FHIT: variants seen among roughly 807,000 people sequenced by gnomAD.
The protein encoded by FHIT is bis(5'-adenosyl)-triphosphatase.
FHIT carries 19 observed loss-of-function variants against 17.9 expected under a neutral mutation model. The observed-to-expected ratio is 1.06, with a 90% CI of 0.74 to 1.56. The LOEUF is 1.56. FHIT is among the 40% of genes most tolerant of loss of function. The pLI, the probability that FHIT is intolerant of heterozygous loss-of-function variation, is 0.00. For synonymous variants in FHIT, 81 were observed against 69.7 expected, an observed-to-expected ratio of 1.16 and a Z score of -0.81; for missense variants, 248 against 189.2, an observed-to-expected ratio of 1.31 and a Z score of -1.82.
intron 8 of FHIT, among the ~76,000 whole-genome samples, chr3:59,877,769 T>A (rs918316963): frequency 6.6e-6 from 1 of 152,236 alleles, no homozygotes; most frequent in Non-Finnish European, 1.5e-5. Context: ...TCTCTCCATA[T>A]GTTTCCTATA....
intron 5 of FHIT, among the ~76,000 whole-genome samples, chr3:60,180,702 A>T (rs2107439795): frequency 6.6e-6 from 1 of 152,278 alleles, no homozygotes; most frequent in African/African-American, 2.4e-5. Flanking sequence ...TTATAATTTG[A>T]CGTTGATGCT....
chr3:60,212,343 G>T (rs1461932447), intron 5 of FHIT, among the ~76,000 whole-genome samples: 1 of 152,090 alleles, frequency 6.6e-6, no homozygotes, highest in African/African-American at 2.4e-5. Context: ...TGCTTTGGTA[G>T]AAAGAATTAA....
rs573484572 is a variant in FHIT at position 61,193,084 on chromosome 3, T to C, written c.-164+7533A>G. Reference sequence around the variant, plus strand: ...CCTAAATCCAGTCTCCATTAAAGACTTTTCTTTTTCAAAAAAGCCTAAATT... The same window carrying C: ...CCTAAATCCAGTCTCCATTAAAGACCTTTCTTTTTCAAAAAAGCCTAAATT... On this transcript the variant is annotated intron_variant, in intron 2 of 9. Transcript: ENST00000492590. Among the ~76,000 whole-genome samples, 4 of 152,314 alleles carry C rather than the reference T, an allele frequency of 2.6e-5. No homozygotes were observed. In the East Asian group the frequency reaches 7.7e-4, roughly 29 times the overall value.
chr3:60,365,462 A>G (rs1031078930), intron 5 of FHIT, among the ~76,000 whole-genome samples: 6 of 152,154 alleles, frequency 3.9e-5, no homozygotes, highest in African/African-American at 1.4e-4. Flanking sequence ...AACACCACAC[A>G]TATTTACATT....
intron 5 of FHIT, among the ~76,000 whole-genome samples, chr3:60,128,682 T>C (rs867621752): frequency 6.6e-6 from 1 of 152,196 alleles, no homozygotes; most frequent in Non-Finnish European, 1.5e-5. Context: ...CTGATCACCA[T>C]AGTAACTGAG....
At chr3:60,912,327 G>C (rs901670225) in intron 3 of FHIT, among the ~76,000 whole-genome samples, 8 of 152,246 alleles carry the variant, frequency 5.3e-5, no homozygotes, top group Middle Eastern at 3.4e-3. Context: ...ATCATACCGG[G>C]AAATGAATCC....
chr3:59,803,749 C>A (rs183676707), intron 8 of FHIT, among the ~76,000 whole-genome samples: 1 of 121,424 alleles, frequency 8.2e-6, no homozygotes, highest in African/African-American at 2.6e-5. Context: ...CAAGCCTGAA[C>A]GAAACAGCCT....
rs752294589 is a variant in FHIT at position 60,536,871 on chromosome 3, A to G, written c.92T>C (p.Val31Ala). Reference sequence around the variant, plus strand: ...AAAAGAAAGGATACGTCCTGGTACCACAGGTTTCCTATTCACAAGAGCGAA... The same window carrying G: ...AAAAGAAAGGATACGTCCTGGTACCGCAGGTTTCCTATTCACAAGAGCGAA... ...LSFALVNRKP[V>A]VPGHVLVCPL... The change falls in exon 5 of 10, where the codon GTG becomes GCG. Residue 31 changes from valine (V) to alanine (A), a missense_variant. Transcript: ENST00000492590. 60 of 1,605,544 alleles carry G rather than the reference A, an allele frequency of 3.7e-5. No individual in the cohort carries two copies. Among genetic ancestry groups the G allele is most frequent in the Non-Finnish European group, 4.8e-5 (56 of 1,177,128 alleles).
chr3:60,808,675 CA>C (rs563019723), intron 4 of FHIT, among the ~76,000 whole-genome samples: 244 of 152,210 alleles, frequency 1.6e-3, no homozygotes, highest in Non-Finnish European at 2.5e-3. Flanking sequence ...AACAAAGAAC[CA>C]AAAGCAAATT....
At chr3:60,050,271 T>C (rs1330384550) in intron 5 of FHIT, among the ~76,000 whole-genome samples, 4 of 152,228 alleles carry the variant, frequency 2.6e-5, no homozygotes, top group African/African-American at 9.6e-5. Flanking sequence ...GTTTATTTCA[T>C]TGAACACAAA....
At chr3:60,644,349 C>G (rs1038274449) in intron 4 of FHIT, among the ~76,000 whole-genome samples, 2 of 152,086 alleles carry the variant, frequency 1.3e-5, no homozygotes, top group South Asian at 2.1e-4. Flanking sequence ...TGTTGAAAAA[C>G]TGATACCGTG....
intron 4 of FHIT, among the ~76,000 whole-genome samples, chr3:60,791,122 G>C (rs1700762656): frequency 6.6e-6 from 1 of 152,142 alleles, no homozygotes. Flanking sequence ...AAATAGAGTA[G>C]GAGAGAAGAG....
intron 5 of FHIT, among the ~76,000 whole-genome samples, chr3:60,248,845 A>T (rs1705539182): frequency 6.6e-6 from 1 of 152,138 alleles, no homozygotes; most frequent in Non-Finnish European, 1.5e-5. Flanking sequence ...TAAAACCCCA[A>T]TACAGAAGAT....
intron 2 of FHIT, among the ~76,000 whole-genome samples, chr3:61,075,627 T>C (rs966175891): frequency 6.6e-6 from 1 of 152,092 alleles, no homozygotes; most frequent in Admixed American, 6.6e-5. Flanking sequence ...TAGGGAAAGT[T>C]AAGTAGAGTC....
At chr3:60,153,747 C>T (rs1487618733) in intron 5 of FHIT, among the ~76,000 whole-genome samples, 1 of 152,138 alleles carries the variant, frequency 6.6e-6, no homozygotes, top group Non-Finnish European at 1.5e-5. Flanking sequence ...TGCTCTAGAT[C>T]TAGGGGTTAA....
chr3:61,206,810 T>C (rs1372207184), intron 1 of FHIT, among the ~76,000 whole-genome samples: 1 of 152,164 alleles, frequency 6.6e-6, no homozygotes, highest in African/African-American at 2.4e-5. Context: ...TACCCTTTAT[T>C]TTCTTCTCCT....
intron 5 of FHIT, among the ~76,000 whole-genome samples, chr3:60,028,928 C>T (rs923908906): frequency 5.9e-5 from 9 of 152,120 alleles, no homozygotes; most frequent in Admixed American, 4.6e-4. Context: ...GAGATCCACA[C>T]TTTAGGAGGG....
intron 4 of FHIT, among the ~76,000 whole-genome samples, chr3:60,761,954 T>C (rs1254353496): frequency 1.3e-5 from 2 of 151,994 alleles, no homozygotes; most frequent in Non-Finnish European, 2.9e-5. Flanking sequence ...AGCAAATTTA[T>C]CCTTCCTTTG....
chr3:59,951,102 A>G (rs866992017), intron 7 of FHIT, among the ~76,000 whole-genome samples: 2 of 152,160 alleles, frequency 1.3e-5, no homozygotes, highest in Non-Finnish European at 1.5e-5. Flanking sequence ...TTAATTACCT[A>G]TGTGTTATGC....
Sources: allele counts gnomAD v4.1 joint callset (sites outside exome capture counted in the v4.1 genomes callset), GRCh38; gene constraint gnomAD v4.1.1; transcripts MANE v1.5; gene names NCBI Gene and HGNC (gene_info 2026-07-23, HGNC 2026-07-21).